Variants in SFXN5 observed in about 807,000 individuals in gnomAD.
SFXN5 encodes the protein sideroflexin 5, also known as sideroflexin-5.
In SFXN5, 43 loss-of-function variants were observed where a neutral mutation model predicts 50.2. The ratio of observed to expected loss-of-function variants is 0.86; its 90% confidence interval spans 0.67 to 1.11. The LOEUF (loss-of-function observed/expected upper bound fraction) is 1.11, where lower values mean the gene tolerates loss of function less well. SFXN5 is among the 50% of genes least tolerant of loss of function. SFXN5 has a pLI of 0.00. For synonymous variants in SFXN5, 203 were observed against 185.8 expected (o/e 1.09, Z -0.75); for missense variants, 463 against 454.1 (o/e 1.02, Z -0.18).
At chr2:73,024,321 C>G (rs2105846357) in intron 3 of SFXN5, among the ~76,000 whole-genome samples, 2 of 152,226 alleles carry the variant, frequency 1.3e-5, no homozygotes, top group Non-Finnish European at 2.9e-5. Context: ...CATGCCCAGC[C>G]CAGGCCTTTT....
intron 6 of SFXN5, among the ~76,000 whole-genome samples, chr2:73,017,844 G>A (rs1234117100): frequency 6.6e-6 from 1 of 152,126 alleles, no homozygotes; most frequent in African/African-American, 2.4e-5. Flanking sequence ...TCAAGATCTT[G>A]GTTTCTAAGT....
intron 7 of SFXN5, among the ~76,000 whole-genome samples, chr2:73,001,087 C>T (rs1384914558): frequency 6.6e-6 from 1 of 152,238 alleles, no homozygotes; most frequent in Non-Finnish European, 1.5e-5. Flanking sequence ...AGAGCAGGGA[C>T]CAGGGTCTGT....
chr2:73,043,708 C>T (rs1213816661), intron 2 of SFXN5, among the ~76,000 whole-genome samples: 2 of 152,062 alleles, frequency 1.3e-5, no homozygotes, highest in African/African-American at 2.4e-5. Context: ...TTTATTTTTT[C>T]CCCATTGTAC....
chr2:72,949,681 G>A (rs1410989747), intron 13 of SFXN5, among the ~76,000 whole-genome samples: 2 of 151,964 alleles, frequency 1.3e-5, no homozygotes, highest in African/African-American at 4.8e-5. Flanking sequence ...AGGAGGGGGT[G>A]GGGAGGCCTC....
At position 72,984,022 on chromosome 2, in the gene SFXN5, C is replaced by T. The variant is rs1314550847; in HGVS notation, c.625+4236G>A. Among the ~76,000 whole-genome samples the T allele has an allele frequency of 7.2e-5, 11 of 152,340 alleles. No individual in the cohort carries two copies. In the East Asian group the frequency reaches 1.3e-3, roughly 19 times the overall value. Reference sequence around the variant, plus strand: ...ACGTCAATTAACGGAGGGCCCGCTCCGAGCTTGAGCTCCTGAACACAATTA... The same window carrying T: ...ACGTCAATTAACGGAGGGCCCGCTCTGAGCTTGAGCTCCTGAACACAATTA... On this transcript the variant is annotated intron_variant, in intron 10 of 13. Transcript: ENST00000272433.
In SFXN5 at chr2:73,070,206, C is replaced by T. The variant is rs531807728; in HGVS notation, c.102+1398G>A. Among the ~76,000 whole-genome samples the T allele has an allele frequency of 2.1e-3, 325 of 152,294 alleles. 2 individuals are homozygous for T. Among genetic ancestry groups the T allele is most frequent in the Middle Eastern group, 3.4e-3 (1 of 294 alleles). ...GGTCACTCAAGTCCAGGCAGGGACA[C>T]CCCGACACTCTCGCCCTAGATGGCC... is the stretch of plus-strand genomic sequence containing the variant. On this transcript the variant is annotated intron_variant, in intron 1 of 13. Transcript: ENST00000272433.
chr2:73,023,069 G>T, intron 4 of SFXN5, 119 bp downstream of exon 4: 3 of 963,490 alleles, frequency 3.1e-6, no homozygotes, highest in Non-Finnish European at 3.1e-6. Flanking sequence ...GGGGGCCAAG[G>T]GCAAATGTGA....
chr2:73,027,469 T>C (rs1041442416), intron 3 of SFXN5, among the ~76,000 whole-genome samples: 2 of 152,196 alleles, frequency 1.3e-5, no homozygotes, highest in Non-Finnish European at 2.9e-5. Context: ...GGTTAATTTA[T>C]TTTGAAGAGA....
intron 2 of SFXN5, chr2:73,049,892 C>T (rs1681009557): frequency 6.6e-6 from 1 of 151,058 alleles, no homozygotes; most frequent in African/African-American, 2.4e-5. Flanking sequence ...TTTCCTCCAG[C>T]TGTGAGCCTG....
At chr2:73,037,165 C>A (rs1000513026) in intron 3 of SFXN5, among the ~76,000 whole-genome samples, 1 of 152,226 alleles carries the variant, frequency 6.6e-6, no homozygotes, top group Non-Finnish European at 1.5e-5. Flanking sequence ...GCCTGGACCA[C>A]CCCCACCTGC....
intron 5 of SFXN5, among the ~76,000 whole-genome samples, chr2:73,021,352 T>C (rs987107455): frequency 5.3e-5 from 8 of 152,032 alleles, no homozygotes; most frequent in Non-Finnish European, 1.0e-4. Flanking sequence ...GGTGTGGTAG[T>C]GTGTGCCTGC....
Position 73,023,215 on chromosome 2 carries a change from C to A in SFXN5, c.250-1G>T, listed in dbSNP as rs1244352411. ...GCTTGATTTTCTGTGCACTCCAGAG[C>A]TGGAAGAGAGATAAAGGAAAAGAAA... On this transcript the variant is annotated splice_acceptor_variant, in intron 3 of 13. Transcript: ENST00000272433. LOFTEE classifies it high-confidence loss of function. 3 of 1,601,686 alleles carry A rather than the reference C, an allele frequency of 1.9e-6. No homozygotes were observed. The African/African-American group carries it at 4.0e-5, about 22-fold the overall frequency.
chr2:72,980,554 C>T (rs1326236005), intron 10 of SFXN5, among the ~76,000 whole-genome samples: 1 of 152,134 alleles, frequency 6.6e-6, no homozygotes. Flanking sequence ...GGGAGAGTTT[C>T]ACAACCCATA....
At chr2:72,963,684 C>T (rs905022106) in intron 12 of SFXN5, among the ~76,000 whole-genome samples, 5 of 152,210 alleles carry the variant, frequency 3.3e-5, no homozygotes, top group Non-Finnish European at 7.3e-5. Context: ...GGACTCAGGG[C>T]TGTGGCCTGG....
chr2:73,057,150 T>G (rs988414534), intron 2 of SFXN5, among the ~76,000 whole-genome samples: 3 of 152,170 alleles, frequency 2.0e-5, no homozygotes, highest in Admixed American at 1.3e-4. Context: ...AAGCATTTTT[T>G]TTTTAAAAGA....
At chr2:73,029,574 G>A (rs1007127865) in intron 3 of SFXN5, among the ~76,000 whole-genome samples, 2 of 152,098 alleles carry the variant, frequency 1.3e-5, no homozygotes, top group Non-Finnish European at 2.9e-5. Flanking sequence ...GGGCCCCAGG[G>A]GCTGGTGGCA....
intron 4 of SFXN5, 149 bp downstream of exon 4, chr2:73,023,039 G>C: frequency 1.4e-6 from 1 of 690,914 alleles, no homozygotes. Context: ...CTTGAGTGTC[G>C]GGGCAGAAGG....
chr2:73,050,392 G>GCGCGCA (rs138589339), intron 2 of SFXN5, among the ~76,000 whole-genome samples: 5 of 146,508 alleles, frequency 3.4e-5, no homozygotes, highest in African/African-American at 1.3e-4. Flanking sequence ...CACAGCGCAC[G>GCGCGCA]CACACACACA....
chr2:72,945,044 ACT>A lies in SFXN5; in HGVS notation c.999_1000del (p.Val334GlyfsTer59). 1 of 1,613,824 alleles carries A rather than the reference ACT, an allele frequency of 6.2e-7. No homozygotes were observed. The highest frequency in any genetic ancestry group is 8.5e-7 in the Non-Finnish European group (1 of 1,179,868). On this transcript the variant is annotated frameshift_variant, in exon 14 of 14. Coordinates refer to ENST00000272433, the MANE Select transcript of SFXN5 (RefSeq NM_144579.3). LOFTEE classifies it high-confidence loss of function. This position sits in a 1 kb window ranked among gnomAD's most constrained non-coding sequence, Gnocchi z 5.8. Reference sequence around the variant, plus strand: ...CACTCACAACCCCTTGTTGTACACCACTGTCCGGCTGCTCGTGGCCTGGGCTA... The same window carrying A: ...CACTCACAACCCCTTGTTGTACACCAGTCCGGCTGCTCGTGGCCTGGGCTA...
Sources: gnomAD v4.1 joint callset for allele counts (sites outside exome capture counted in the v4.1 genomes callset) on GRCh38, gnomAD v4.1.1 for gene constraint, Gnocchi (gnomAD v3.1) non-coding constraint, MANE v1.5 for transcripts, NCBI Gene and HGNC (gene_info 2026-07-23, HGNC 2026-07-21) for gene names.